The following CACNA2D3 variants were observed in gnomAD, a reference collection of about 807,000 sequenced individuals.
CACNA2D3 encodes calcium voltage-gated channel auxiliary subunit alpha2delta 3.
A neutral mutation model predicts 160.6 loss-of-function variants in CACNA2D3; 60 were observed. The observed-to-expected ratio is 0.37, with a 90% confidence interval of 0.30 to 0.46. The LOEUF is 0.46. CACNA2D3 is among the 20% of genes least tolerant of loss of function. CACNA2D3 has a pLI of 1.00. For missense variants in CACNA2D3, 1,205 were observed against 1,365.0 expected (o/e 0.88, Z 1.85); for synonymous variants, 558 against 492.9 (o/e 1.13, Z -1.75).
intron 16 of CACNA2D3, among the ~76,000 whole-genome samples, chr3:54,839,644 T>G (rs2106761621): frequency 6.6e-6 from 1 of 152,196 alleles, no homozygotes; most frequent in East Asian, 1.9e-4. Flanking sequence ...GAATCAGGGA[T>G]TATTGGCTGC....
At position 55,051,712 on chromosome 3, in the gene CACNA2D3, C is replaced by T. The variant is rs1052320820; in HGVS notation, c.2988-21733C>T. Among the ~76,000 whole-genome samples, 92 of 152,236 alleles carry T rather than the reference C, an allele frequency of 6.0e-4. 1 individual carries two copies. In the East Asian group the frequency reaches 0.015, roughly 25 times the overall value. Reference sequence around the variant, plus strand: ...GGCGCCCCTCCCCCAGCCTCGCTGCCGCCTTGCAGTTTGATCTCAGACTGC... The same window carrying T: ...GGCGCCCCTCCCCCAGCCTCGCTGCTGCCTTGCAGTTTGATCTCAGACTGC... On this transcript the variant is annotated intron_variant, in intron 35 of 37. Coordinates refer to ENST00000474759, the MANE Select transcript of CACNA2D3 (RefSeq NM_018398.3).
chr3:54,237,001 GAAACTTCTTTTTTTTT>G lies in CACNA2D3; in HGVS notation c.205-83440_205-83425del, dbSNP rs1701891863. 2.7e-5 allele frequency among the ~76,000 whole-genome samples: 4 copies of G among 149,152 alleles called. No homozygotes were observed. The South Asian group carries it at 8.8e-4, about 33-fold the overall frequency. On this transcript the variant is annotated intron_variant, in intron 2 of 37. Transcript: ENST00000474759. Reference sequence around the variant, plus strand: ...TAAAGGGCAGCTGTTGTTGTTGCCTGAAACTTCTTTTTTTTTTTTTTTAACATGCAAAACACATTCC... The same window carrying G: ...TAAAGGGCAGCTGTTGTTGTTGCCTGTTTTTTAACATGCAAAACACATTCC...
intron 2 of CACNA2D3, among the ~76,000 whole-genome samples, chr3:54,214,335 T>G (rs1257009424): frequency 6.6e-6 from 1 of 152,158 alleles, no homozygotes; most frequent in Non-Finnish European, 1.5e-5. Context: ...GCCATATTCT[T>G]GATATTTTCA....
rs562800898 is a variant in CACNA2D3 at position 54,944,623 on chromosome 3, G to A, written c.2450-23827G>A. Among the ~76,000 whole-genome samples the A allele has an allele frequency of 5.4e-4, 82 of 151,938 alleles. 1 individual carries two copies. The highest frequency in any genetic ancestry group is 8.4e-4 in the Non-Finnish European group (57 of 67,936). On this transcript the variant is annotated intron_variant, in intron 27 of 37. Coordinates refer to ENST00000474759, the MANE Select transcript of CACNA2D3 (RefSeq NM_018398.3). ...TTTTTAGTAGAGACAGGGTTTCACC[G>A]TGTTAGCCAGGATGGTCTCGAACTC...
At chr3:54,978,704 A>G (rs963465783) in intron 29 of CACNA2D3, among the ~76,000 whole-genome samples, 1 of 152,240 alleles carries the variant, frequency 6.6e-6, no homozygotes, top group Non-Finnish European at 1.5e-5. Flanking sequence ...GCTGATTCCA[A>G]TACATGCCCA....
chr3:55,051,105 G>A (rs1332511747), intron 35 of CACNA2D3, among the ~76,000 whole-genome samples: 4 of 151,986 alleles, frequency 2.6e-5, no homozygotes, highest in East Asian at 1.9e-4. Flanking sequence ...CTCTCAGCTC[G>A]TCAAAGTCAT....
intron 9 of CACNA2D3, among the ~76,000 whole-genome samples, chr3:54,625,449 G>A (rs1699076076): frequency 6.6e-6 from 1 of 152,174 alleles, no homozygotes; most frequent in African/African-American, 2.4e-5. Flanking sequence ...AAAGTGGGAT[G>A]ATGGAACCTC....
At chr3:54,988,680 G>C (rs1411677181) in intron 31 of CACNA2D3, among the ~76,000 whole-genome samples, 1 of 152,260 alleles carries the variant, frequency 6.6e-6, no homozygotes, top group African/African-American at 2.4e-5. Flanking sequence ...GAATGGCTAG[G>C]AAGTGTTAGC....
At chr3:54,152,994 C>T (rs1409977858) in intron 2 of CACNA2D3, among the ~76,000 whole-genome samples, 6 of 152,188 alleles carry the variant, frequency 3.9e-5, no homozygotes, top group Non-Finnish European at 8.8e-5. Context: ...CTTTATCACA[C>T]TTGCTTCCTC....
At chr3:55,030,232 C>T (rs949012141) in intron 35 of CACNA2D3, among the ~76,000 whole-genome samples, 1 of 152,144 alleles carries the variant, frequency 6.6e-6, no homozygotes, top group Non-Finnish European at 1.5e-5. Context: ...CCCTGTATTG[C>T]CTCCTCTTCT....
intron 4 of CACNA2D3, among the ~76,000 whole-genome samples, chr3:54,397,476 A>C (rs1699377372): frequency 9.0e-6 from 1 of 111,706 alleles, no homozygotes; most frequent in Admixed American, 9.2e-5. Context: ...TTCCCTCTAC[A>C]CACTGCTTTG....
chr3:54,655,780 G>C (rs534683856), intron 11 of CACNA2D3, among the ~76,000 whole-genome samples: 51 of 152,282 alleles, frequency 3.3e-4, no homozygotes, highest in African/African-American at 1.2e-3. Flanking sequence ...AGAAACAAGA[G>C]CCTGTCTGTA....
chr3:54,211,453 G>T lies in CACNA2D3; in HGVS notation c.204+87859G>T, dbSNP rs528493152. Among the ~76,000 whole-genome samples the T allele has an allele frequency of 4.5e-4, 68 of 152,222 alleles. No homozygotes were observed. In the South Asian group the frequency reaches 7.3e-3, roughly 16 times the overall value. ...ACTTTTATTTTAGGATAGATTACTG[G>T]AAGTGAAAATGTAGGGATAAAGGCT... is the stretch of plus-strand genomic sequence containing the variant. On this transcript the variant is annotated intron_variant, in intron 2 of 37. Transcript: ENST00000474759.
intron 8 of CACNA2D3, among the ~76,000 whole-genome samples, chr3:54,575,922 G>C (rs1044844477): frequency 5.8e-4 from 89 of 152,154 alleles, no homozygotes; most frequent in African/African-American, 1.6e-3. Flanking sequence ...GATCACATAG[G>C]GGGGTGGGTG....
intron 14 of CACNA2D3, among the ~76,000 whole-genome samples, chr3:54,822,851 T>TCTTC (rs2106729516): frequency 6.7e-6 from 1 of 148,236 alleles, no homozygotes; most frequent in Admixed American, 6.8e-5. Flanking sequence ...TTTCTTTCTT[T>TCTTC]CTTTCTTTCT....
rs184246892 is a variant in CACNA2D3, at chr3:54,379,369, A to G, written c.322-7346A>G. Among the ~76,000 whole-genome samples the G allele has an allele frequency of 5.3e-3, 815 of 152,366 alleles. 6 individuals carry two copies. The highest frequency in any genetic ancestry group is 9.6e-3 in the Non-Finnish European group (656 of 68,036). On this transcript the variant is annotated intron_variant, in intron 3 of 37. Transcript: ENST00000474759. The stretch of plus-strand genomic sequence containing the variant: ...GCTGTGTTTCTCCAAAGAAATGATC[A>G]CCTTGATAGTTGGTGATTTATATGT...
intron 14 of CACNA2D3, among the ~76,000 whole-genome samples, chr3:54,835,619 T>A (rs984047435): frequency 1.1e-4 from 16 of 152,210 alleles, no homozygotes; most frequent in African/African-American, 3.9e-4. Context: ...GAGGGAGCAA[T>A]GCCTGATTAT....
intron 17 of CACNA2D3, among the ~76,000 whole-genome samples, chr3:54,857,110 G>T (rs1429036344): frequency 6.6e-6 from 1 of 152,132 alleles, no homozygotes; most frequent in Non-Finnish European, 1.5e-5. Context: ...AGTCCTGGAG[G>T]ATGAGAAAAA....
At chr3:54,123,153 C>CT (rs1273108029) in intron 1 of CACNA2D3, among the ~76,000 whole-genome samples, 49 of 122,480 alleles carry the variant, frequency 4.0e-4, no homozygotes, top group African/African-American at 1.2e-3. Context: ...CGCCCCACTT[C>CT]TTTTTTTGGG....
Sources: gnomAD v4.1 joint callset for allele counts (sites outside exome capture counted in the v4.1 genomes callset) on GRCh38, gnomAD v4.1.1 for gene constraint, MANE v1.5 for transcripts, NCBI Gene and HGNC (gene_info 2026-07-23, HGNC 2026-07-21) for gene names.